Variants in PTPRD observed in about 807,000 individuals in gnomAD.
The protein encoded by PTPRD is receptor-type tyrosine-protein phosphatase delta.
Under a neutral mutation model 214.5 loss-of-function variants are expected in PTPRD, and 34 were observed. The observed-to-expected ratio is 0.16, with a 90% CI of 0.12 to 0.21. The LOEUF (loss-of-function observed/expected upper bound fraction) is 0.21. Among genes scored for constraint, PTPRD ranks in the 10% least tolerant of loss-of-function variants. The pLI is 1.00. For synonymous variants in PTPRD, 1,128 were observed against 845.7 expected (o/e 1.33, Z -5.79); for missense variants, 2,545 against 2,398.7 (o/e 1.06, Z -1.27).
intron 5 of PTPRD, among the ~76,000 whole-genome samples, chr9:9,805,079 A>G (rs1392708994): frequency 1.3e-5 from 2 of 152,080 alleles, no homozygotes; most frequent in African/African-American, 4.8e-5. Flanking sequence ...ACTCTCTTTT[A>G]ATTAGAAAAA....
At chr9:8,956,603 A>C (rs12236852) in intron 11 of PTPRD, among the ~76,000 whole-genome samples, 42,493 of 151,656 alleles carry the variant, frequency 0.28, 6,757 homozygotes, top group Non-Finnish European at 0.36. Flanking sequence ...GCTGGATTGT[A>C]TTTTTAAAAG....
intron 5 of PTPRD, among the ~76,000 whole-genome samples, chr9:9,893,231 T>C (rs1193613835): frequency 6.6e-6 from 1 of 151,908 alleles, no homozygotes; most frequent in East Asian, 1.9e-4. Context: ...GTCTGCAAAA[T>C]AAGCAGCTAG....
chr9:9,798,244 G>A (rs1394607422), intron 5 of PTPRD, among the ~76,000 whole-genome samples: 2 of 152,128 alleles, frequency 1.3e-5, no homozygotes, highest in East Asian at 1.9e-4. Flanking sequence ...TGAGACATAT[G>A]TAATAAAAGA....
chr9:8,515,088 T>C (rs1200202566), intron 21 of PTPRD, among the ~76,000 whole-genome samples: 2 of 152,208 alleles, frequency 1.3e-5, no homozygotes, highest in African/African-American at 2.4e-5. Flanking sequence ...TACTCAGTCA[T>C]GGGTATCTCT....
intron 3 of PTPRD, among the ~76,000 whole-genome samples, chr9:10,242,240 T>C (rs183370016): frequency 8.5e-5 from 13 of 152,066 alleles, no homozygotes; most frequent in African/African-American, 3.1e-4. Flanking sequence ...CATTTTCAGT[T>C]CTCTAAACTG....
intron 10 of PTPRD, among the ~76,000 whole-genome samples, chr9:9,118,983 A>G (rs1049595176): frequency 6.6e-5 from 10 of 152,316 alleles, no homozygotes; most frequent in African/African-American, 1.9e-4. Flanking sequence ...CATGGACATT[A>G]TTCACCTAAA....
chr9:9,922,537 G>C (rs1299485883), intron 5 of PTPRD, among the ~76,000 whole-genome samples: 1 of 151,970 alleles, frequency 6.6e-6, no homozygotes, highest in Non-Finnish European at 1.5e-5. Context: ...GAGACCTACA[G>C]TAACAACTAA....
intron 8 of PTPRD, among the ~76,000 whole-genome samples, chr9:9,407,605 TA>T (rs746437970): frequency 4.0e-5 from 6 of 151,762 alleles, no homozygotes; most frequent in Non-Finnish European, 7.4e-5. Context: ...TGATTTAGAA[TA>T]TAGAGTCAAA....
At chr9:8,335,442 C>G (rs1223573423) in intron 43 of PTPRD, among the ~76,000 whole-genome samples, 21 of 152,104 alleles carry the variant, frequency 1.4e-4, no homozygotes, top group East Asian at 3.9e-4. Flanking sequence ...AAATTCAACA[C>G]CACTTTGTGC....
At chr9:8,699,927 A>T (rs1356268433) in intron 12 of PTPRD, among the ~76,000 whole-genome samples, 2 of 152,190 alleles carry the variant, frequency 1.3e-5, no homozygotes, top group African/African-American at 4.8e-5. Context: ...TGATTGATTT[A>T]ACCATTTTTT....
chr9:9,415,786 G>C (rs1431141006), intron 8 of PTPRD, among the ~76,000 whole-genome samples: 2 of 152,192 alleles, frequency 1.3e-5, no homozygotes, highest in African/African-American at 4.8e-5. Context: ...AGTAGTGGAA[G>C]TGAAAGATAC....
chr9:8,932,732 G>A (rs762205701), intron 11 of PTPRD, among the ~76,000 whole-genome samples: 8 of 152,074 alleles, frequency 5.3e-5, no homozygotes, highest in South Asian at 2.1e-4. Context: ...CACTAAGCTC[G>A]AGCATCCCAG....
chr9:10,453,518 T>C (rs2098867691), intron 2 of PTPRD, among the ~76,000 whole-genome samples: 1 of 151,704 alleles, frequency 6.6e-6, no homozygotes, highest in Non-Finnish European at 1.5e-5. Flanking sequence ...GTCCTTCATC[T>C]CCTTGGTTAA....
intron 3 of PTPRD, among the ~76,000 whole-genome samples, chr9:10,332,238 C>A (rs1162706172): frequency 6.6e-6 from 1 of 151,716 alleles, no homozygotes; most frequent in Non-Finnish European, 1.5e-5. Flanking sequence ...AGTTAATATA[C>A]CATAAATACC....
intron 3 of PTPRD, among the ~76,000 whole-genome samples, chr9:10,270,691 G>C (rs2094368073): frequency 6.6e-6 from 1 of 152,084 alleles, no homozygotes; most frequent in African/African-American, 2.4e-5. Flanking sequence ...TGTGGTATTG[G>C]ATGCATGTGG....
intron 8 of PTPRD, among the ~76,000 whole-genome samples, chr9:9,414,484 G>A (rs2076420542): frequency 6.6e-6 from 1 of 152,198 alleles, no homozygotes; most frequent in African/African-American, 2.4e-5. Context: ...TTAAGGAGGT[G>A]GTGGTAATTG....
intron 10 of PTPRD, among the ~76,000 whole-genome samples, chr9:9,072,826 A>G (rs2099745714): frequency 6.6e-6 from 1 of 152,176 alleles, no homozygotes; most frequent in Non-Finnish European, 1.5e-5. Context: ...CCTTGTGTAT[A>G]TTCCTTTTTG....
chr9:9,943,451 C>A (rs2091986464), intron 4 of PTPRD, among the ~76,000 whole-genome samples: 1 of 152,106 alleles, frequency 6.6e-6, no homozygotes, highest in Admixed American at 6.6e-5. Flanking sequence ...ATTTGAAATA[C>A]TATGTGTAGT....
At chr9:9,318,436 TG>T (rs1227887188) in intron 9 of PTPRD, among the ~76,000 whole-genome samples, 2 of 152,068 alleles carry the variant, frequency 1.3e-5, no homozygotes, top group Non-Finnish European at 2.9e-5. Context: ...TTCCAAGAAA[TG>T]ATCATAGTTT....
Sources: gnomAD v4.1 joint callset for allele counts (sites outside exome capture counted in the v4.1 genomes callset) on GRCh38, gnomAD v4.1.1 for gene constraint, MANE v1.5 for transcripts, NCBI Gene and HGNC (gene_info 2026-07-23, HGNC 2026-07-21) for gene names.